Variants in FLT1 observed in about 807,000 individuals in gnomAD.
FLT1 encodes vascular endothelial growth factor receptor 1.
In FLT1, 49 loss-of-function variants were observed where a neutral mutation model predicts 156.3. That is an observed-to-expected ratio of 0.31 (90% CI 0.25 to 0.40). The LOEUF (loss-of-function observed/expected upper bound fraction) is 0.40, where lower values mean the gene tolerates loss of function less well. Ranked by LOEUF, FLT1 falls within the 10% of genes least tolerant of loss-of-function variation. The probability of loss-of-function intolerance (pLI) is 1.00; values close to 1 mark genes in which losing one functional copy is unlikely to be tolerated. For synonymous variants in FLT1, 594 were observed against 583.8 expected, an observed-to-expected ratio of 1.02 and a Z score of -0.25; for missense variants, 1,322 against 1,637.2, an observed-to-expected ratio of 0.81 and a Z score of 3.32.
intron 24 of FLT1, among the ~76,000 whole-genome samples, 154 bp downstream of exon 24, chr13:28,319,269 T>C (rs961465123): frequency 2.0e-5 from 3 of 152,250 alleles, no homozygotes; most frequent in Non-Finnish European, 2.9e-5. Context: ...CGTACGCCAT[T>C]ACTCATCTGA....
chr13:28,363,868 AAAGTGCTGGGATTACAGGGGTG>A (rs373169728), intron 14 of FLT1, among the ~76,000 whole-genome samples: 2,280 of 152,314 alleles, frequency 0.015, 60 homozygotes, highest in African/African-American at 0.052. Flanking sequence ...TTGGTCTCCC[AAAGTGCTGGGATTACAGGGGTG>A]AACCACTGCT....
chr13:28,389,990 A>G lies in FLT1; in HGVS notation c.1775T>C (p.Leu592Pro), dbSNP rs1019037553. The part of the protein sequence containing the change: ...FLYRDVTWIL[L>P]RTVNNRTMHY... ...CATTGTTCTGTTATTAACTGTCCGC[A>G]GTAAAATCCAAGTAACGTCTCTGTA... The change falls in exon 13 of 30, where the codon CTG (leucine) becomes CCG (proline). Residue 592 changes from leucine to proline, a missense_variant. Physicochemically the swap from Leu to Pro is moderately conservative, Grantham distance 98. Transcript: ENST00000282397. The G allele has an allele frequency of 1.2e-6, 2 of 1,614,188 alleles. No individual in the cohort carries two copies. The highest frequency in any genetic ancestry group is 8.5e-7 in the Non-Finnish European group (1 of 1,180,020).
chr13:28,482,914 T>C (rs1213471963), intron 1 of FLT1, among the ~76,000 whole-genome samples: 1 of 152,242 alleles, frequency 6.6e-6, no homozygotes, highest in Admixed American at 6.5e-5. Flanking sequence ...AGACAGAGGA[T>C]GGGATGGGAG....
intron 1 of FLT1, among the ~76,000 whole-genome samples, chr13:28,478,682 T>G (rs1232026456): frequency 1.3e-5 from 2 of 152,226 alleles, no homozygotes; most frequent in African/African-American, 4.8e-5. Flanking sequence ...GTGATGCTGT[T>G]AAACTACCAT....
At position 28,309,780 on chromosome 13, in the gene FLT1, C is replaced by T. The variant is rs944665396; in HGVS notation, c.3636-853G>A. ...TCAGCCTCTTGGGCTGGTTGTGAGGCCTGAACAGTGAGGCTGACCTGTAAT... is the reference window on the plus strand; with the variant it reads ...TCAGCCTCTTGGGCTGGTTGTGAGGTCTGAACAGTGAGGCTGACCTGTAAT... On this transcript the variant is annotated intron_variant, in intron 27 of 29. Coordinates refer to ENST00000282397, the MANE Select transcript of FLT1 (RefSeq NM_002019.4). 4.6e-5 allele frequency among the ~76,000 whole-genome samples: 7 copies of T among 151,136 alleles called. No homozygotes were observed. The Admixed American group carries it at 4.7e-4, about 10-fold the overall frequency.
intron 28 of FLT1, chr13:28,308,459 C>CGTA: frequency 3.7e-5 from 12 of 324,998 alleles, no homozygotes; most frequent in South Asian, 8.6e-5. Flanking sequence ...CCCTCCCAGC[C>CGTA]TCAAGGCTGC....
chr13:28,316,680 C>A (rs1305098543), intron 25 of FLT1, among the ~76,000 whole-genome samples: 2 of 151,298 alleles, frequency 1.3e-5, no homozygotes, highest in African/African-American at 4.9e-5. Flanking sequence ...ACTCTGTCAC[C>A]CAGGTTGGAG....
intron 24 of FLT1, among the ~76,000 whole-genome samples, chr13:28,319,172 C>T (rs1422400974): frequency 2.0e-5 from 3 of 152,156 alleles, no homozygotes; most frequent in Non-Finnish European, 2.9e-5. Context: ...TACCCTTGTT[C>T]ATGATCGTAT....
At chr13:28,369,628 T>C (rs1195173252) in intron 14 of FLT1, among the ~76,000 whole-genome samples, 2 of 152,214 alleles carry the variant, frequency 1.3e-5, no homozygotes, top group South Asian at 4.1e-4. Context: ...TCTTCTTTAT[T>C]GAGAATTTCA....
rs184235087 is a variant in FLT1 at position 28,464,332 on chromosome 13, G to A, written c.388+2571C>T. On this transcript the variant is annotated intron_variant, in intron 3 of 29. Coordinates refer to ENST00000282397, the MANE Select transcript of FLT1 (RefSeq NM_002019.4). ...AACTTGTAATTTTCTGCGAATGGTT[G>A]TGGACTATTACAGGAAGGCAGACAT... 3.4e-4 allele frequency among the ~76,000 whole-genome samples: 52 copies of A among 152,338 alleles called. No individual in the cohort carries two copies. The East Asian group carries it at 0.01, about 29-fold the overall frequency.
At chr13:28,470,079 A>G (rs1880073095) in intron 1 of FLT1, among the ~76,000 whole-genome samples, 1 of 152,188 alleles carries the variant, frequency 6.6e-6, no homozygotes, top group Non-Finnish European at 1.5e-5. Flanking sequence ...TTTTACAGAC[A>G]GTAGATCCCG....
intron 1 of FLT1, among the ~76,000 whole-genome samples, chr13:28,470,367 C>T (rs954895783): frequency 6.6e-6 from 1 of 152,124 alleles, no homozygotes; most frequent in Non-Finnish European, 1.5e-5. Flanking sequence ...TAGTTTCTGC[C>T]CTTCTTTATG....
intron 12 of FLT1, among the ~76,000 whole-genome samples, chr13:28,390,369 A>G (rs1381286971): frequency 2.0e-5 from 3 of 152,164 alleles, no homozygotes; most frequent in Non-Finnish European, 2.9e-5. Flanking sequence ...TCAAAGTGGC[A>G]TATTTTCTCC....
Position 28,312,103 on chromosome 13 carries a change from T to C in FLT1, c.3387-5A>G. The stretch of plus-strand genomic sequence containing the variant: ...CAGTCCAGCATGATCTGATAGCTGG[T>C]GGGGAAAACAGCAACAGAAATAGTT... On this transcript the variant is annotated splice_region_variant and splice_polypyrimidine_tract_variant and intron_variant, in intron 25 of 29. Coordinates refer to ENST00000282397, the MANE Select transcript of FLT1 (RefSeq NM_002019.4). 6.3e-7 allele frequency: 1 copy of C among 1,580,706 alleles called. No homozygotes were observed.
At chr13:28,454,492 G>A (rs891690852) in intron 3 of FLT1, among the ~76,000 whole-genome samples, 13 of 152,114 alleles carry the variant, frequency 8.5e-5, no homozygotes, top group Non-Finnish European at 1.6e-4. Context: ...TGCCATCTCT[G>A]CCATACACTA....
chr13:28,389,628 C>G (rs190995506), intron 13 of FLT1, 168 bp downstream of exon 13: 1 of 1,474,470 alleles, frequency 6.8e-7, no homozygotes, highest in Non-Finnish European at 9.0e-7. Flanking sequence ...GCATCTCCTC[C>G]GAGCCTGAAA....
rs1056771154 is a variant in FLT1, at chr13:28,474,493, C to G, written c.65-6876G>C. On this transcript the variant is annotated intron_variant, in intron 1 of 29. Coordinates refer to ENST00000282397, the MANE Select transcript of FLT1 (RefSeq NM_002019.4). Reference sequence around the variant, plus strand: ...AAAACAAAACAACCACAGACACACACACACACACACACACACACACACACA... The same window carrying G: ...AAAACAAAACAACCACAGACACACAGACACACACACACACACACACACACA... Among the ~76,000 whole-genome samples the G allele has an allele frequency of 4.0e-5, 6 of 150,342 alleles. No individual in the cohort carries two copies. The South Asian group carries it at 6.3e-4, about 16-fold the overall frequency.
chr13:28,317,142 C>T (rs1312869255), intron 25 of FLT1, among the ~76,000 whole-genome samples: 4 of 152,210 alleles, frequency 2.6e-5, no homozygotes, highest in South Asian at 2.1e-4. Flanking sequence ...GCTCCCACTC[C>T]GTGAGTGAGG....
intron 19 of FLT1, 115 bp from the exon 20 acceptor site, chr13:28,327,665 G>T: frequency 2.8e-6 from 2 of 712,532 alleles, no homozygotes; most frequent in South Asian, 2.9e-5. Context: ...TTAGTGGGGC[G>T]AAGGGATGCG....
Sources: gnomAD v4.1 joint callset for allele counts (sites outside exome capture counted in the v4.1 genomes callset) on GRCh38, gnomAD v4.1.1 for gene constraint, MANE v1.5 for transcripts, NCBI Gene and HGNC (gene_info 2026-07-23, HGNC 2026-07-21) for gene names.